The following ALK variants were observed in gnomAD, a reference collection of about 807,000 sequenced individuals.
ALK encodes the protein ALK receptor tyrosine kinase, also known as ALK tyrosine kinase receptor.
ALK carries 74 observed loss-of-function variants against 163.1 expected under a neutral mutation model. That is an observed-to-expected ratio of 0.45 (90% CI 0.38 to 0.55). The LOEUF is 0.55. Among genes scored for constraint, ALK ranks in the 20% least tolerant of loss-of-function variants. ALK has a pLI of 0.00. For missense variants in ALK, 2,063 were observed against 2,105.3 expected, an observed-to-expected ratio of 0.98 and a Z score of 0.39; for synonymous variants, 960 against 843.2, an observed-to-expected ratio of 1.14 and a Z score of -2.40.
At chr2:29,886,579 T>C (rs187514958) in intron 1 of ALK, among the ~76,000 whole-genome samples, 5 of 152,360 alleles carry the variant, frequency 3.3e-5, no homozygotes, top group Admixed American at 1.3e-4. Context: ...AGAAGGAAGA[T>C]TGCCCTTAGC....
intron 1 of ALK, among the ~76,000 whole-genome samples, chr2:29,747,826 A>C (rs554429340): frequency 3.8e-4 from 58 of 152,292 alleles, no homozygotes; most frequent in African/African-American, 1.3e-3. Context: ...GGAAGTCTAG[A>C]GCCTGTCATG....
At chr2:29,678,693 ATTAAAT>A (rs1174791830) in intron 3 of ALK, among the ~76,000 whole-genome samples, 1 of 151,228 alleles carries the variant, frequency 6.6e-6, no homozygotes, top group East Asian at 1.9e-4. Flanking sequence ...TTTAATTTTA[ATTAAAT>A]TTAAATTTAA....
chr2:29,771,561 G>A (rs1391729155), intron 1 of ALK, among the ~76,000 whole-genome samples: 1 of 150,994 alleles, frequency 6.6e-6, no homozygotes, highest in African/African-American at 2.4e-5. Context: ...GGGGAGCTGA[G>A]TCTCACTCTG....
At chr2:29,772,434 T>C (rs1054162397) in intron 1 of ALK, among the ~76,000 whole-genome samples, 9 of 152,208 alleles carry the variant, frequency 5.9e-5, no homozygotes, top group African/African-American at 1.9e-4. Context: ...TTTAGCTCTA[T>C]TGGAAGAGTG....
rs1465135837 is a variant in ALK, at chr2:29,209,769, A to T, written c.3836+17T>A. 6.2e-7 allele frequency: 1 copy of T among 1,602,802 alleles called. No homozygotes were observed. The highest frequency in any genetic ancestry group is 8.5e-7 in the Non-Finnish European group (1 of 1,169,938). On this transcript the variant is annotated intron_variant, in intron 25 of 28. Transcript: ENST00000389048. ...TGGAAGAGACAGGCCCGGAGGGGTG[A>T]GGCAGTCTTTACTCACCTGTAGATG...
At position 29,422,330 on chromosome 2, in the gene ALK, G is replaced by A. The variant is rs532816168; in HGVS notation, c.1155-38471C>T. 2.7e-5 allele frequency among the ~76,000 whole-genome samples: 4 copies of A among 149,362 alleles called. No homozygotes were observed. The South Asian group carries it at 8.3e-4, about 31-fold the overall frequency. ...ATAGAAAACACAGTCTCCTTGGCCAGGGAAAGAGGCTTGTGAATGACTGAC... is the reference window on the plus strand; with the variant it reads ...ATAGAAAACACAGTCTCCTTGGCCAAGGAAAGAGGCTTGTGAATGACTGAC... On this transcript the variant is annotated intron_variant, in intron 4 of 28. Coordinates refer to ENST00000389048, the MANE Select transcript of ALK (RefSeq NM_004304.5).
At chr2:29,872,253 G>A (rs188284167) in intron 1 of ALK, among the ~76,000 whole-genome samples, 40 of 152,322 alleles carry the variant, frequency 2.6e-4, no homozygotes, top group African/African-American at 9.4e-4. Flanking sequence ...CAGAGCAGGG[G>A]AGGGGATGCA....
chr2:29,545,801 C>T (rs1408345082), intron 3 of ALK, among the ~76,000 whole-genome samples: 1 of 152,110 alleles, frequency 6.6e-6, no homozygotes, highest in East Asian at 1.9e-4. Flanking sequence ...CAAGTGTGTT[C>T]ATTAAGAGAG....
At chr2:29,525,403 T>G (rs1308035866) in intron 4 of ALK, among the ~76,000 whole-genome samples, 1 of 152,242 alleles carries the variant, frequency 6.6e-6, no homozygotes, top group Non-Finnish European at 1.5e-5. Flanking sequence ...GCCATGATTC[T>G]TAACTTTTGG....
intron 3 of ALK, among the ~76,000 whole-genome samples, chr2:29,632,640 C>T (rs187399108): frequency 6.6e-5 from 10 of 152,232 alleles, no homozygotes; most frequent in South Asian, 4.2e-4. Context: ...GAGCCCTCAG[C>T]GGAAACCCAC....
intron 1 of ALK, among the ~76,000 whole-genome samples, chr2:29,872,265 C>T (rs1393959478): frequency 1.3e-5 from 2 of 152,188 alleles, no homozygotes; most frequent in Non-Finnish European, 2.9e-5. Context: ...GGGGATGCAG[C>T]TGAACTGCAG....
At chr2:29,327,348 C>G (rs1443792122) in intron 6 of ALK, among the ~76,000 whole-genome samples, 1 of 152,170 alleles carries the variant, frequency 6.6e-6, no homozygotes, top group African/African-American at 2.4e-5. Flanking sequence ...TGACCAGACT[C>G]AAACCACCCA....
Position 29,742,804 on chromosome 2 carries a change from T to C in ALK, c.668-25107A>G, listed in dbSNP as rs575834337. On this transcript the variant is annotated intron_variant, in intron 1 of 28. Transcript: ENST00000389048. ...TCCTTTTTGTTTGCTCTAAGACACC[T>C]AGAGCAGCCCAGAGCAAGAGCCTTC... Among the ~76,000 whole-genome samples, 22 of 152,128 alleles carry C rather than the reference T, an allele frequency of 1.4e-4. No homozygotes were observed. The South Asian group carries it at 4.4e-3, about 30-fold the overall frequency.
At position 29,293,432 on chromosome 2, in the gene ALK, A is replaced by C. The variant is rs542120818; in HGVS notation, c.1817+3456T>G. Among the ~76,000 whole-genome samples the C allele has an allele frequency of 9.8e-5, 15 of 152,326 alleles. No homozygotes were observed. In the South Asian group the frequency reaches 3.1e-3, roughly 32 times the overall value. The stretch of plus-strand genomic sequence containing the variant: ...TTGTTAGTTTGTATATTCAGATATA[A>C]AAAAGATAATAAAGAGTGATAAATT... On this transcript the variant is annotated intron_variant, in intron 9 of 28. Transcript: ENST00000389048.
At chr2:29,436,221 A>G (rs1351526024) in intron 4 of ALK, among the ~76,000 whole-genome samples, 1 of 152,220 alleles carries the variant, frequency 6.6e-6, no homozygotes, top group East Asian at 1.9e-4. Flanking sequence ...ACCGTGTGCC[A>G]TGTATTCAAA....
intron 4 of ALK, among the ~76,000 whole-genome samples, chr2:29,526,053 G>T (rs1025520552): frequency 1.3e-5 from 2 of 152,150 alleles, no homozygotes; most frequent in African/African-American, 4.8e-5. Context: ...CTCTGAGAAG[G>T]AGGGGTTTAA....
intron 1 of ALK, among the ~76,000 whole-genome samples, chr2:29,882,022 C>A (rs1314420120): frequency 6.6e-6 from 1 of 152,110 alleles, no homozygotes; most frequent in Non-Finnish European, 1.5e-5. Flanking sequence ...TCAGTGAAGA[C>A]CCACACACAC....
intron 1 of ALK, among the ~76,000 whole-genome samples, chr2:29,759,449 G>A (rs182504812): frequency 8.2e-4 from 125 of 152,312 alleles, no homozygotes; most frequent in African/African-American, 2.6e-3. Flanking sequence ...GCGTGCGTGC[G>A]TGTGTGCAAA....
chr2:29,662,087 T>A (rs1476053410), intron 3 of ALK, among the ~76,000 whole-genome samples: 1 of 152,118 alleles, frequency 6.6e-6, no homozygotes, highest in East Asian at 1.9e-4. Context: ...TTTGTTTGTA[T>A]TTTTAGCAGG....
Sources: allele counts gnomAD v4.1 joint callset (sites outside exome capture counted in the v4.1 genomes callset), GRCh38; gene constraint gnomAD v4.1.1; transcripts MANE v1.5; gene names NCBI Gene and HGNC (gene_info 2026-07-23, HGNC 2026-07-21).